The following TRPC4 variants were observed in gnomAD, a reference collection of about 807,000 sequenced individuals.
TRPC4 encodes transient receptor potential cation channel subfamily C member 4.
Under a neutral mutation model 99.4 loss-of-function variants are expected in TRPC4, and 49 were observed. That is an observed-to-expected ratio of 0.49 (90% CI 0.39 to 0.63). The LOEUF (loss-of-function observed/expected upper bound fraction) is 0.63, where lower values mean the gene tolerates loss of function less well. Ranked by LOEUF, TRPC4 falls within the 20% of genes least tolerant of loss-of-function variation. TRPC4 has a pLI of 0.00. For synonymous variants in TRPC4, 454 were observed against 425.9 expected (o/e 1.07, Z -0.81); for missense variants, 898 against 1,152.9 (o/e 0.78, Z 3.20).
chr13:37,739,659 C>T (rs1056665662), intron 3 of TRPC4, among the ~76,000 whole-genome samples: 1 of 151,794 alleles, frequency 6.6e-6, no homozygotes, highest in African/African-American at 2.4e-5. Flanking sequence ...GCACCCACCA[C>T]CATGCCCAGC....
At chr13:37,814,212 C>A (rs1957780283) in intron 1 of TRPC4, among the ~76,000 whole-genome samples, 1 of 151,746 alleles carries the variant, frequency 6.6e-6, no homozygotes, top group Non-Finnish European at 1.5e-5. Flanking sequence ...AAACACACAG[C>A]TAAAATCATA....
intron 1 of TRPC4, among the ~76,000 whole-genome samples, chr13:37,848,532 A>G (rs1354379174): frequency 6.6e-6 from 1 of 152,148 alleles, no homozygotes; most frequent in Non-Finnish European, 1.5e-5. Flanking sequence ...AGATAGAGGG[A>G]AAATCAAGTT....
chr13:37,685,648 ACTC>A (rs1450120532), intron 4 of TRPC4, among the ~76,000 whole-genome samples: 1 of 150,104 alleles, frequency 6.7e-6, no homozygotes, highest in Non-Finnish European at 1.5e-5. Context: ...CTTGGTATCT[ACTC>A]CTCTTTTCCT....
intron 3 of TRPC4, among the ~76,000 whole-genome samples, chr13:37,736,415 C>T (rs974018627): frequency 5.3e-5 from 8 of 152,156 alleles, no homozygotes; most frequent in African/African-American, 1.4e-4. Context: ...ACAGATTTCA[C>T]AATTCACATC....
intron 3 of TRPC4, among the ~76,000 whole-genome samples, chr13:37,743,599 C>T (rs573244356): frequency 5.1e-4 from 78 of 152,244 alleles, no homozygotes; most frequent in African/African-American, 1.8e-3. Context: ...AGAGACCTGA[C>T]ACCTGGGAAT....
rs2138878535 is a variant in TRPC4, at chr13:37,692,035, T to C, written c.1198A>G (p.Thr400Ala). Residue 400 changes from threonine to alanine, a missense_variant, in exon 4 of 11, where the codon ACC becomes GCC. Around this residue, in one of 3 missense-constraint regions of TRPC4, gnomAD observed 274 missense variants for 454.9 expected, o/e 0.60. Coordinates refer to ENST00000379705, the MANE Select transcript of TRPC4 (RefSeq NM_016179.4). ...SDLNRQGPPP[T>A]IVEWMILPWV... ...GGTAATATCATCCACTCGACGATGG[T>C]TGGTGGTGGACCTTGCCTGTTCAAG... The C allele has an allele frequency of 6.2e-7, 1 of 1,613,970 alleles. No homozygotes were observed. Among genetic ancestry groups the C allele is most frequent in the East Asian group, 2.2e-5 (1 of 44,866 alleles).
intron 4 of TRPC4, among the ~76,000 whole-genome samples, chr13:37,678,111 G>A (rs1029957771): frequency 1.3e-5 from 2 of 152,054 alleles, no homozygotes; most frequent in Admixed American, 6.6e-5. Flanking sequence ...CTCTTTGTGA[G>A]GCATCTAGAG....
intron 3 of TRPC4, among the ~76,000 whole-genome samples, chr13:37,732,757 T>C (rs1160054465): frequency 1.3e-5 from 2 of 152,100 alleles, no homozygotes; most frequent in East Asian, 1.9e-4. Flanking sequence ...TATTTAACCA[T>C]GGAGGTGAAA....
At chr13:37,783,477 T>A in intron 1 of TRPC4, 117 bp from the exon 2 acceptor site, 3 of 716,864 alleles carry the variant, frequency 4.2e-6, no homozygotes, top group Middle Eastern at 3.9e-4. Flanking sequence ...TATTAGTAAC[T>A]ATTAAGAGTT....
intron 7 of TRPC4, among the ~76,000 whole-genome samples, chr13:37,654,050 G>A (rs1952138183): frequency 6.6e-6 from 1 of 152,024 alleles, no homozygotes; most frequent in Admixed American, 6.6e-5. Context: ...TTATGCATTT[G>A]GAATACTTTA....
intron 1 of TRPC4, among the ~76,000 whole-genome samples, chr13:37,844,459 T>C (rs1394355382): frequency 6.6e-6 from 1 of 152,076 alleles, no homozygotes; most frequent in Non-Finnish European, 1.5e-5. Flanking sequence ...CATGCCCAGC[T>C]AATTTTTGTA....
chr13:37,772,676 A>G (rs1956588343), intron 2 of TRPC4, among the ~76,000 whole-genome samples: 1 of 151,766 alleles, frequency 6.6e-6, no homozygotes, highest in Non-Finnish European at 1.5e-5. Flanking sequence ...TAACTTCATC[A>G]TTTATATCAT....
At chr13:37,850,947 G>T (rs1959037683) in intron 1 of TRPC4, among the ~76,000 whole-genome samples, 1 of 152,170 alleles carries the variant, frequency 6.6e-6, no homozygotes, top group Non-Finnish European at 1.5e-5. Context: ...CCACACCAAG[G>T]CATTTGTTAA....
intron 1 of TRPC4, among the ~76,000 whole-genome samples, chr13:37,837,154 G>T (rs1193882544): frequency 6.6e-6 from 1 of 152,226 alleles, no homozygotes; most frequent in African/African-American, 2.4e-5. Flanking sequence ...ACACCCAGAT[G>T]CCCAGGCAGA....
intron 1 of TRPC4, among the ~76,000 whole-genome samples, chr13:37,791,928 G>C (rs1957131264): frequency 6.6e-6 from 1 of 152,108 alleles, no homozygotes; most frequent in African/African-American, 2.4e-5. Context: ...GATGACTAAA[G>C]GAAAAAGCGG....
chr13:37,786,062 A>G (rs539606557), intron 1 of TRPC4, among the ~76,000 whole-genome samples: 1 of 152,214 alleles, frequency 6.6e-6, no homozygotes, highest in Admixed American at 6.6e-5. Context: ...GATGAAATCA[A>G]CACTTACCAA....
At chr13:37,758,522 C>T in intron 2 of TRPC4, among the ~76,000 whole-genome samples, 1 of 151,570 alleles carries the variant, frequency 6.6e-6, no homozygotes, top group East Asian at 1.9e-4. Context: ...TTATCTTACT[C>T]ATCATTATTT....
intron 1 of TRPC4, among the ~76,000 whole-genome samples, chr13:37,828,269 GT>G (rs1340515742): frequency 9.2e-5 from 14 of 152,140 alleles, no homozygotes; most frequent in Admixed American, 9.2e-4. Context: ...GACCGGAGCT[GT>G]TCCTATTCGG....
intron 1 of TRPC4, among the ~76,000 whole-genome samples, chr13:37,798,428 T>G (rs965066607): frequency 2.6e-5 from 4 of 152,172 alleles, no homozygotes; most frequent in Non-Finnish European, 5.9e-5. Flanking sequence ...CATAAACAAT[T>G]ACTGATTCAT....
Sources: allele counts gnomAD v4.1 joint callset (sites outside exome capture counted in the v4.1 genomes callset), GRCh38; gene constraint gnomAD v4.1.1; regional missense constraint gnomAD v4.1.1; transcripts MANE v1.5; gene names NCBI Gene and HGNC (gene_info 2026-07-23, HGNC 2026-07-21).